Variants in APLP2 observed in about 807,000 individuals in gnomAD.
APLP2 encodes amyloid beta precursor like protein 2.
Under a neutral mutation model 89.9 loss-of-function variants are expected in APLP2, and 53 were observed. That is an observed-to-expected ratio of 0.59 (90% confidence interval 0.47 to 0.74). The LOEUF is 0.74. APLP2 is among the 30% of genes least tolerant of loss of function. The pLI, the probability that APLP2 is intolerant of heterozygous loss-of-function variation, is 0.00. For synonymous variants in APLP2, 372 were observed against 348.6 expected, an observed-to-expected ratio of 1.07 and a Z score of -0.75; for missense variants, 973 against 975.9, an observed-to-expected ratio of 1.00 and a Z score of 0.04.
intron 1 of APLP2, among the ~76,000 whole-genome samples, chr11:130,073,872 T>TA (rs1234027355): frequency 6.6e-6 from 1 of 152,194 alleles, no homozygotes; most frequent in Non-Finnish European, 1.5e-5. Flanking sequence ...TTTAATCTTA[T>TA]AAAAAATGCA....
At chr11:130,074,876 A>T (rs1447649985) in intron 1 of APLP2, among the ~76,000 whole-genome samples, 1 of 152,242 alleles carries the variant, frequency 6.6e-6, no homozygotes, top group Non-Finnish European at 1.5e-5. Flanking sequence ...AAATCTTTGT[A>T]CAGTAATTGT....
chr11:130,140,402 TGGAGTG>T lies in APLP2; in HGVS notation c.1847_1852del (p.Val616_Gly617del). Reference sequence around the variant, plus strand: ...CCATGATCTCTCTCCACACAGGATCTGGAGTGGGAGAGCAGGATGGGGGACTGATCG... The same window carrying T: ...CCATGATCTCTCTCCACACAGGATCTGGAGAGCAGGATGGGGGACTGATCG... On this transcript the variant is annotated inframe_deletion, in exon 14 of 17. Transcript: ENST00000338167. 1 of 1,606,088 alleles carries T rather than the reference TGGAGTG, an allele frequency of 6.2e-7. No individual in the cohort carries two copies. Among genetic ancestry groups the T allele is most frequent in the East Asian group, 2.3e-5 (1 of 44,404 alleles).
Position 130,142,134 on chromosome 11 carries a change from C to G in APLP2, c.2154+60C>G, listed in dbSNP as rs1952494257. ...CTGTGGGCTGGGTTGGGGGTGGGAA[C>G]CTGTGGAATTAATAGGCATCTTCAC... On this transcript the variant is annotated intron_variant, in intron 16 of 16. Coordinates refer to ENST00000338167, the MANE Select transcript of APLP2 (RefSeq NM_001142276.2). 1.2e-5 allele frequency: 18 copies of G among 1,511,496 alleles called. No homozygotes were observed. The Admixed American group carries it at 3.6e-4, about 30-fold the overall frequency. The allele number at this position is 1,511,496 out of a possible 1,614,324, so 93.6% of individuals were successfully genotyped here.
intron 13 of APLP2, among the ~76,000 whole-genome samples, chr11:130,136,613 G>A (rs1347127414): frequency 6.6e-6 from 1 of 152,104 alleles, no homozygotes; most frequent in Non-Finnish European, 1.5e-5. Flanking sequence ...TAGGGGTGGG[G>A]GGATGGAGGT....
In APLP2 at chr11:130,141,599, G is replaced by A. The variant is rs761319933; in HGVS notation, c.1998+27G>A. On this transcript the variant is annotated intron_variant, in intron 15 of 16. Transcript: ENST00000338167. This position sits in a 1 kb window ranked among gnomAD's most constrained non-coding sequence, Gnocchi z 4.2. ...TACGTGTTTAGCTCCAGAACCTAAGGTTTCCTGCCAATCTTAGGTATTTCT... is the reference window on the plus strand; with the variant it reads ...TACGTGTTTAGCTCCAGAACCTAAGATTTCCTGCCAATCTTAGGTATTTCT... 1 of 1,595,768 alleles carries A rather than the reference G, an allele frequency of 6.3e-7. No homozygotes were observed. Among genetic ancestry groups the A allele is most frequent in the Admixed American group, 1.7e-5 (1 of 59,946 alleles).
intron 13 of APLP2, among the ~76,000 whole-genome samples, chr11:130,136,825 C>T (rs943410157): frequency 6.6e-6 from 1 of 152,120 alleles, no homozygotes; most frequent in African/African-American, 2.4e-5. Context: ...GTGGGTTTGT[C>T]GGGTGGCCAT....
Position 130,090,007 on chromosome 11 carries a change from A to G in APLP2, c.106-19422A>G, listed in dbSNP as rs78558268. 9.2e-3 allele frequency among the ~76,000 whole-genome samples: 1,396 copies of G among 152,348 alleles called. 13 individuals are homozygous for G. Among genetic ancestry groups the G allele is most frequent in the Non-Finnish European group, 0.013 (915 of 68,024 alleles). On this transcript the variant is annotated intron_variant, in intron 1 of 16. Transcript: ENST00000338167. ...TTCAGTAAATGAAATTTGAGGCCCT[A>G]TTCAACCTATAAGACCCAGTGGCTA...
rs946133842 is a variant in APLP2 at position 130,135,722 on chromosome 11, A to G, written c.1837+7A>G. On this transcript the variant is annotated splice_region_variant and intron_variant, in intron 13 of 16. Coordinates refer to ENST00000338167, the MANE Select transcript of APLP2 (RefSeq NM_001142276.2). Reference sequence around the variant, plus strand: ...GCCCTACCTGAGAACGAAGGTGTGTATGGGCGACGGTGCCACTTCTGGGCA... The same window carrying G: ...GCCCTACCTGAGAACGAAGGTGTGTGTGGGCGACGGTGCCACTTCTGGGCA... The G allele has an allele frequency of 6.2e-7, 1 of 1,613,718 alleles. No homozygotes were observed. The highest frequency in any genetic ancestry group is 1.3e-5 in the African/African-American group (1 of 74,916).
At chr11:130,104,464 T>C (rs981651501) in intron 1 of APLP2, among the ~76,000 whole-genome samples, 2 of 152,022 alleles carry the variant, frequency 1.3e-5, no homozygotes, top group African/African-American at 4.8e-5. Flanking sequence ...GATATCCACC[T>C]GCCTCAGCCT....
intron 1 of APLP2, chr11:130,070,735 A>G: frequency 6.9e-7 from 1 of 1,456,858 alleles, no homozygotes; most frequent in South Asian, 1.3e-5. Flanking sequence ...TAGACCGAGG[A>G]AACCCGCTCT....
intron 13 of APLP2, among the ~76,000 whole-genome samples, chr11:130,135,984 G>C (rs535833293): frequency 4.6e-5 from 7 of 152,176 alleles, no homozygotes; most frequent in Admixed American, 4.6e-4. Flanking sequence ...TCCAACTTGT[G>C]CACTTCCTTA....
chr11:130,112,235 A>G (rs77765875), intron 3 of APLP2, among the ~76,000 whole-genome samples: 9,083 of 152,320 alleles, frequency 0.06, 279 homozygotes, highest in Non-Finnish European at 0.073. Flanking sequence ...GCAAACTACT[A>G]GCTGGAAGTA....
At chr11:130,124,876 A>T (rs1292241210) in intron 7 of APLP2, among the ~76,000 whole-genome samples, 3 of 152,222 alleles carry the variant, frequency 2.0e-5, no homozygotes, top group Admixed American at 1.3e-4. Flanking sequence ...AGAAATAGAA[A>T]TTATTGTGAT....
At chr11:130,100,096 G>C (rs1946706517) in intron 1 of APLP2, among the ~76,000 whole-genome samples, 1 of 152,218 alleles carries the variant, frequency 6.6e-6, no homozygotes, top group South Asian at 2.1e-4. Context: ...TTAAACGTCA[G>C]AGCAGCACTG....
intron 2 of APLP2, chr11:130,109,863 T>G (rs1466001758): frequency 5.4e-6 from 2 of 369,738 alleles, no homozygotes; most frequent in Non-Finnish European, 9.6e-6. Context: ...TGCAGCCTGC[T>G]TCTCATCCTC....
At chr11:130,083,024 TTC>T (rs1491026277) in intron 1 of APLP2, among the ~76,000 whole-genome samples, 2,072 of 131,756 alleles carry the variant, frequency 0.016, 156 homozygotes, top group East Asian at 0.053. Context: ...AACTTTTCTT[TTC>T]TTTTTTTTTT....
intron 1 of APLP2, among the ~76,000 whole-genome samples, chr11:130,104,771 A>G (rs1411069437): frequency 6.6e-6 from 1 of 152,224 alleles, no homozygotes; most frequent in African/African-American, 2.4e-5. Flanking sequence ...TATTCGTTCC[A>G]GCAGGGTAAA....
chr11:130,114,377 G>A (rs1459763372), intron 3 of APLP2: 1 of 152,164 alleles, frequency 6.6e-6, no homozygotes, highest in Non-Finnish European at 1.5e-5. Flanking sequence ...GTTTTTCTGT[G>A]ATCCTTTTGA....
At chr11:130,087,488 G>C (rs11824343) in intron 1 of APLP2, among the ~76,000 whole-genome samples, 16,791 of 152,204 alleles carry the variant, frequency 0.11, 1,183 homozygotes, top group East Asian at 0.24. Context: ...GTCTCTTCGA[G>C]GGGGCTGAGT....
Sources: gnomAD v4.1 joint callset for allele counts (sites outside exome capture counted in the v4.1 genomes callset) on GRCh38, gnomAD v4.1.1 for gene constraint, Gnocchi (gnomAD v3.1) non-coding constraint, MANE v1.5 for transcripts, NCBI Gene and HGNC (gene_info 2026-07-23, HGNC 2026-07-21) for gene names.